RMDN2: variants seen among roughly 807,000 people sequenced by gnomAD.
RMDN2 encodes the protein regulator of microtubule dynamics protein 2.
A neutral mutation model predicts 52.8 loss-of-function variants in RMDN2; 61 were observed. The ratio of observed to expected loss-of-function variants is 1.16; its 90% CI spans 0.94 to 1.43. The LOEUF is 1.43. Among genes scored for constraint, RMDN2 ranks in the 40% most tolerant of loss-of-function variants. The pLI, the probability that RMDN2 is intolerant of heterozygous loss-of-function variation, is 0.00. For synonymous variants in RMDN2, 180 were observed against 153.1 expected, an observed-to-expected ratio of 1.18 and a Z score of -1.30; for missense variants, 592 against 475.3, an observed-to-expected ratio of 1.25 and a Z score of -2.28.
At chr2:37,993,099 AT>A (rs1266579781) in intron 7 of RMDN2, among the ~76,000 whole-genome samples, 1 of 151,836 alleles carries the variant, frequency 6.6e-6, no homozygotes, top group Non-Finnish European at 1.5e-5. Context: ...TTTTATTTTT[AT>A]TTTTAGTAGA....
intron 8 of RMDN2, among the ~76,000 whole-genome samples, chr2:38,002,154 A>G (rs1676406220): frequency 6.6e-6 from 1 of 152,176 alleles, no homozygotes; most frequent in Non-Finnish European, 1.5e-5. Flanking sequence ...ATGTGCCCTT[A>G]TAAGGTGTTG....
intron 10 of RMDN2, among the ~76,000 whole-genome samples, chr2:38,031,063 G>T (rs1680162495): frequency 6.6e-6 from 1 of 152,062 alleles, no homozygotes; most frequent in Non-Finnish European, 1.5e-5. Flanking sequence ...TCTCCCATAG[G>T]GAGGGAAAAT....
rs1260644761 is a variant in RMDN2, at chr2:38,030,186, A to G, written c.1713+25970A>G. 7 of 152,244 alleles carry G rather than the reference A, an allele frequency of 4.6e-5. No homozygotes were observed. In the East Asian group the frequency reaches 7.7e-4, roughly 17 times the overall value. 9.4% of individuals were successfully genotyped at this position (152,244 alleles called of 1,614,324 possible). ...CCAGCGCCAGCCTTAGACCAAATTC[A>G]TGATACTCTTTTTACTCCCCACAAA... On this transcript the variant is annotated intron_variant, in intron 10 of 10. Transcript: ENST00000234195.
At chr2:37,967,344 A>T (rs1215668687) in intron 2 of RMDN2, among the ~76,000 whole-genome samples, 2 of 152,232 alleles carry the variant, frequency 1.3e-5, no homozygotes, top group Non-Finnish European at 2.9e-5. Flanking sequence ...AGAAATTATT[A>T]ACAAGTGGGA....
intron 10 of RMDN2, among the ~76,000 whole-genome samples, chr2:38,015,280 C>A (rs542132854): frequency 6.6e-6 from 1 of 152,108 alleles, no homozygotes; most frequent in East Asian, 1.9e-4. Context: ...GAATTGTTGA[C>A]CCTCGACTGG....
intron 5 of RMDN2, among the ~76,000 whole-genome samples, chr2:37,986,096 T>C (rs1001222583): frequency 6.6e-6 from 1 of 152,174 alleles, no homozygotes; most frequent in Non-Finnish European, 1.5e-5. Flanking sequence ...CCTAAAGTTT[T>C]AAGTCCAAAT....
At chr2:37,953,178 T>C (rs1669052286) in intron 2 of RMDN2, 1 of 152,042 alleles carries the variant, frequency 6.6e-6, no homozygotes, top group African/African-American at 2.4e-5. Flanking sequence ...TGATTTTAAT[T>C]TTTAAAAATT....
At chr2:38,003,344 G>A (rs1461340456) in intron 8 of RMDN2, among the ~76,000 whole-genome samples, 1 of 152,128 alleles carries the variant, frequency 6.6e-6, no homozygotes, top group Non-Finnish European at 1.5e-5. Context: ...CCTGAGGTCA[G>A]GAGTTTGAGA....
At chr2:38,055,715 G>C (rs1040730789) in intron 10 of RMDN2, among the ~76,000 whole-genome samples, 4 of 152,138 alleles carry the variant, frequency 2.6e-5, no homozygotes, top group Non-Finnish European at 1.5e-5. Flanking sequence ...ACTTGTGTGT[G>C]TGTCTTTTAA....
chr2:38,008,525 C>T (rs1189236095), intron 10 of RMDN2, among the ~76,000 whole-genome samples: 1 of 152,098 alleles, frequency 6.6e-6, no homozygotes, highest in African/African-American at 2.4e-5. Flanking sequence ...ACTGGGATTG[C>T]AACCCCTGCC....
chr2:38,054,821 C>T (rs911687923), intron 10 of RMDN2, among the ~76,000 whole-genome samples: 2 of 152,174 alleles, frequency 1.3e-5, no homozygotes, highest in African/African-American at 4.8e-5. Context: ...CACTACTGGA[C>T]CATCCCTCTT....
intron 2 of RMDN2, among the ~76,000 whole-genome samples, chr2:37,949,687 G>A (rs547114177): frequency 6.6e-6 from 1 of 152,180 alleles, no homozygotes; most frequent in African/African-American, 2.4e-5. Flanking sequence ...CCTGCAGTAG[G>A]GTGTTAGGAA....
intron 2 of RMDN2, among the ~76,000 whole-genome samples, chr2:37,968,944 C>G (rs912062557): frequency 6.6e-6 from 1 of 151,950 alleles, no homozygotes; most frequent in African/African-American, 2.4e-5. Context: ...TTTTAAAATT[C>G]TCTTTCAGAA....
downstream of RMDN2, among the ~76,000 whole-genome samples, chr2:38,021,617 C>T (rs962461596): frequency 6.6e-6 from 1 of 152,118 alleles, no homozygotes; most frequent in South Asian, 2.1e-4. Flanking sequence ...CCACTCACCG[C>T]GAGGGTCCAC....
intron 2 of RMDN2, among the ~76,000 whole-genome samples, chr2:37,968,810 G>T (rs1370668138): frequency 6.6e-6 from 1 of 152,174 alleles, no homozygotes; most frequent in Non-Finnish European, 1.5e-5. Flanking sequence ...GAAAATTCTA[G>T]GTTTGACATC....
At chr2:37,982,020 C>G (rs1461475409) in intron 5 of RMDN2, among the ~76,000 whole-genome samples, 1 of 152,050 alleles carries the variant, frequency 6.6e-6, no homozygotes, top group African/African-American at 2.4e-5. Flanking sequence ...TCCAGCAATA[C>G]AGGTGCCCCA....
chr2:37,974,581 A>G (rs1366327116), intron 3 of RMDN2: 2 of 152,350 alleles, frequency 1.3e-5, no homozygotes, highest in African/African-American at 2.4e-5. Context: ...TTGATTTTGC[A>G]GTGTTTAGTG....
chr2:38,063,582 C>T (rs1682142858), intron 10 of RMDN2, among the ~76,000 whole-genome samples: 1 of 152,010 alleles, frequency 6.6e-6, no homozygotes, highest in African/African-American at 2.4e-5. Context: ...AGCTTCTGCA[C>T]AGCAAAAGAA....
chr2:37,972,323 G>T (rs1236984183), intron 2 of RMDN2, among the ~76,000 whole-genome samples: 1 of 152,002 alleles, frequency 6.6e-6, no homozygotes, highest in Non-Finnish European at 1.5e-5. Flanking sequence ...AATATGCAAA[G>T]AAATAAACTA....
Sources: gnomAD v4.1 joint callset for allele counts (sites outside exome capture counted in the v4.1 genomes callset) on GRCh38, gnomAD v4.1.1 for gene constraint, MANE v1.5 for transcripts, NCBI Gene and HGNC (gene_info 2026-07-23, HGNC 2026-07-21) for gene names.